Variants in SVEP1 observed in about 807,000 individuals in gnomAD.
SVEP1 encodes sushi, von Willebrand factor type A, EGF and pentraxin domain containing 1.
SVEP1 carries 164 observed loss-of-function variants against 367.3 expected under a neutral mutation model. The observed-to-expected ratio is 0.45, with a 90% confidence interval of 0.39 to 0.51. The LOEUF (loss-of-function observed/expected upper bound fraction) is 0.51, where lower values mean the gene tolerates loss of function less well. Among genes scored for constraint, SVEP1 ranks in the 20% least tolerant of loss-of-function variants. The pLI, the probability that SVEP1 is intolerant of heterozygous loss-of-function variation, is 0.00. For synonymous variants in SVEP1, 1,666 were observed against 1,611.6 expected (o/e 1.03, Z -0.81); for missense variants, 4,117 against 4,425.3 (o/e 0.93, Z 1.98).
In SVEP1 at chr9:110,442,610, AC is replaced by A. The variant is rs796362511; in HGVS notation, c.4639+934del. ...TGAGTAGCTGGAATTACAGGCATCTACCACCATGCCTGGCTAATTTTTCTGT... is the reference window on the plus strand; with the variant it reads ...TGAGTAGCTGGAATTACAGGCATCTACACCATGCCTGGCTAATTTTTCTGT... On this transcript the variant is annotated intron_variant, in intron 27 of 47. Transcript: ENST00000374469. 7.9e-5 allele frequency: 12 copies of A among 151,522 alleles called. 1 individual carries two copies. Among genetic ancestry groups the A allele is most frequent in the African/African-American group, 2.7e-4 (11 of 41,346 alleles). 9.4% of individuals were successfully genotyped at this position (151,522 alleles called of 1,614,324 possible).
At chr9:110,568,171 T>A (rs989642271) in intron 1 of SVEP1, among the ~76,000 whole-genome samples, 1 of 152,198 alleles carries the variant, frequency 6.6e-6, no homozygotes, top group Non-Finnish European at 1.5e-5. Flanking sequence ...ACTACAAACT[T>A]CATCTTAGGT....
chr9:110,552,885 T>C (rs895467894), intron 1 of SVEP1, among the ~76,000 whole-genome samples: 4 of 152,146 alleles, frequency 2.6e-5, no homozygotes, highest in African/African-American at 7.2e-5. Context: ...CAGAGAGGTA[T>C]AGCAGAGAAA....
chr9:110,499,054 T>C lies in SVEP1; in HGVS notation c.1668A>G (p.Ala556=). ...GTAGAGACCTACCTTTACACACAGC[T>C]GCCTGAACTCCGACATTCCATTTTC... The part of the protein sequence containing the change: ...TSGKWNVGVQ[A]AVCKDVEAPQ... Residue 556 remains alanine (A), a synonymous_variant, in exon 7 of 48, where the codon GCA becomes GCG. Coordinates refer to ENST00000374469, the MANE Select transcript of SVEP1 (RefSeq NM_153366.4). The C allele has an allele frequency of 6.2e-7, 1 of 1,613,480 alleles. No individual in the cohort carries two copies. The highest frequency in any genetic ancestry group is 8.5e-7 in the Non-Finnish European group (1 of 1,179,656).
chr9:110,481,112 CACA>C (rs1358497164), intron 12 of SVEP1, 127 bp downstream of exon 12: 13 of 636,860 alleles, frequency 2.0e-5, no homozygotes, highest in Non-Finnish European at 3.1e-5. Flanking sequence ...TTCTCTTATT[CACA>C]AACATTTCAA....
chr9:110,474,060 G>T (rs756730734), intron 14 of SVEP1, among the ~76,000 whole-genome samples: 4 of 152,174 alleles, frequency 2.6e-5, no homozygotes, highest in Non-Finnish European at 5.9e-5. Flanking sequence ...GAGTACAATG[G>T]CATGATCTCG....
Position 110,499,170 on chromosome 9 carries a change from G to C in SVEP1, c.1552C>G (p.Pro518Ala), listed in dbSNP as rs1399560732. ...TAGCAGATCGTCCCAAATTTGGCTG[G>C]CTGCTTGCCACAGTTGTGGGGGGAT... Reference protein sequence around the residue: ...IISPHNCGKQPAKFGTICYVS... With the variant: ...IISPHNCGKQAAKFGTICYVS... The change falls in exon 7 of 48, where the codon CCA becomes GCA. Residue 518 changes from proline to alanine, a missense_variant. Pro to Ala is a conservative substitution (Grantham distance 27, BLOSUM62 -1). Coordinates refer to ENST00000374469, the MANE Select transcript of SVEP1 (RefSeq NM_153366.4). The C allele has an allele frequency of 1.2e-6, 2 of 1,613,662 alleles. No homozygotes were observed. The highest frequency in any genetic ancestry group is 1.7e-6 in the Non-Finnish European group (2 of 1,179,768).
chr9:110,566,161 A>T (rs907434089), intron 1 of SVEP1, among the ~76,000 whole-genome samples: 9 of 151,504 alleles, frequency 5.9e-5, no homozygotes, highest in Non-Finnish European at 1.0e-4. Flanking sequence ...CTACAAAAAA[A>T]TACAAAAAGA....
At chr9:110,391,410 A>C (rs572091105) in intron 40 of SVEP1, among the ~76,000 whole-genome samples, 4 of 151,750 alleles carry the variant, frequency 2.6e-5, no homozygotes, top group African/African-American at 9.7e-5. Context: ...AGCTGAGACT[A>C]CAGGTGCCTG....
In SVEP1 at chr9:110,482,418, T is replaced by C; in HGVS notation, c.2113A>G (p.Thr705Ala). 6.2e-7 allele frequency: 1 copy of C among 1,610,366 alleles called. No homozygotes were observed. The highest frequency in any genetic ancestry group is 8.5e-7 in the Non-Finnish European group (1 of 1,178,302). Residue 705 changes from threonine (T) to alanine (A), a missense_variant, in exon 11 of 48, where the codon ACA becomes GCA. By Grantham distance (58) the Thr-to-Ala change is moderately conservative. Transcript: ENST00000374469. Reference protein sequence around the residue: ...FPQGETIVQYTATDPSGNNRT... With the variant: ...FPQGETIVQYAATDPSGNNRT... ...TTATTGCCTGAGGGGTCAGTGGCTG[T>C]ATACTGTACTATAGTCTCCCCTTGA...
chr9:110,377,127 CAT>C (rs1827361053), intron 45 of SVEP1, 142 bp downstream of exon 45: 2 of 555,986 alleles, frequency 3.6e-6, no homozygotes, highest in East Asian at 2.9e-5. Context: ...CCTGTTGACA[CAT>C]ATGTGCTCTG....
intron 2 of SVEP1, among the ~76,000 whole-genome samples, chr9:110,548,353 TAATA>T (rs1370493405): frequency 3.3e-5 from 5 of 152,210 alleles, no homozygotes; most frequent in Non-Finnish European, 4.4e-5. Flanking sequence ...GATAATTTGT[TAATA>T]AATAATAAAT....
At chr9:110,465,841 A>G (rs1564150686) in intron 18 of SVEP1, 24 bp downstream of exon 18, 2 of 1,605,090 alleles carry the variant, frequency 1.2e-6, no homozygotes, top group Non-Finnish European at 1.7e-6. Context: ...TTAAAGAAAT[A>G]TCAATGTCTA....
intron 3 of SVEP1, among the ~76,000 whole-genome samples, chr9:110,545,578 C>A (rs968775927): frequency 6.6e-6 from 1 of 152,074 alleles, no homozygotes; most frequent in African/African-American, 2.4e-5. Flanking sequence ...GTAAATCTTA[C>A]CAGTTACATG....
In SVEP1 at chr9:110,407,162, C is replaced by T; in HGVS notation, c.8438G>A (p.Arg2813Lys). ...CCAGTTTTTGTCATCCTGGCATGTT[C>T]TCCTCTCAGTGCCATTCAGCACATA... The part of the protein sequence containing the change: ...PGYVLNGTER[R>K]TCQDDKNWDE... Residue 2813 changes from arginine to lysine, a missense_variant, in exon 38 of 48, where the codon AGA (arginine) becomes AAA (lysine). By Grantham distance (26) the Arg-to-Lys change is conservative (BLOSUM62 2). Coordinates refer to ENST00000374469, the MANE Select transcript of SVEP1 (RefSeq NM_153366.4). The T allele has an allele frequency of 6.2e-7, 1 of 1,614,022 alleles. No individual in the cohort carries two copies. Among genetic ancestry groups the T allele is most frequent in the South Asian group, 1.1e-5 (1 of 91,086 alleles).
chr9:110,368,886 G>A (rs1357999269), intron 47 of SVEP1, among the ~76,000 whole-genome samples: 2 of 152,026 alleles, frequency 1.3e-5, no homozygotes, highest in African/African-American at 4.8e-5. Flanking sequence ...AGATTTTTTT[G>A]TTGTTGTTAG....
chr9:110,523,098 A>G (rs1829896667), intron 3 of SVEP1, among the ~76,000 whole-genome samples: 1 of 152,198 alleles, frequency 6.6e-6, no homozygotes, highest in Non-Finnish European at 1.5e-5. Context: ...CTGAAATTCA[A>G]GTCCCAGTAC....
intron 24 of SVEP1, among the ~76,000 whole-genome samples, chr9:110,448,243 A>G (rs1028511318): frequency 3.3e-5 from 5 of 152,262 alleles, no homozygotes; most frequent in Non-Finnish European, 7.3e-5. Flanking sequence ...TCTTTAAAAC[A>G]GAAGATGTGA....
chr9:110,551,501 CCA>C (rs1830285563), intron 1 of SVEP1, among the ~76,000 whole-genome samples: 1 of 152,140 alleles, frequency 6.6e-6, no homozygotes. Context: ...AAACATTTCA[CCA>C]CACTCTTTCT....
Position 110,458,489 on chromosome 9 carries a change from C to T in SVEP1, c.3558G>A (p.Arg1186=), listed in dbSNP as rs1366888412. 49 of 1,612,560 alleles carry T rather than the reference C, an allele frequency of 3.0e-5. No homozygotes were observed. The highest frequency in any genetic ancestry group is 4.1e-5 in the Non-Finnish European group (48 of 1,179,448). ...PPASLGHIKK[R]HEISSQVFHE... ...AACTTGCCTGACTGCTGATTTCATG[C>T]CTCTTTTTAATATGTCCAAGAGAGG... The change falls in exon 20 of 48, where the codon AGG becomes AGA. Residue 1186 remains arginine (R), a synonymous_variant. Coordinates refer to ENST00000374469, the MANE Select transcript of SVEP1 (RefSeq NM_153366.4).
Sources: gnomAD v4.1 joint callset for allele counts (sites outside exome capture counted in the v4.1 genomes callset) on GRCh38, gnomAD v4.1.1 for gene constraint, MANE v1.5 for transcripts, NCBI Gene and HGNC (gene_info 2026-07-23, HGNC 2026-07-21) for gene names.